CSRP1: variants seen among roughly 807,000 people sequenced by gnomAD.
CSRP1 encodes the protein cysteine and glycine rich protein 1.
A neutral mutation model predicts 25.4 loss-of-function variants in CSRP1; 16 were observed. The ratio of observed to expected loss-of-function variants is 0.63; its 90% CI spans 0.43 to 0.96. The LOEUF (loss-of-function observed/expected upper bound fraction) is 0.96. CSRP1 is among the 40% of genes least tolerant of loss of function. CSRP1 has a pLI of 0.00. For synonymous variants in CSRP1, 97 were observed against 95.3 expected (o/e 1.02, Z -0.10); for missense variants, 212 against 243.6 (o/e 0.87, Z 0.86).
chr1:201,500,750 A>G (rs1192200637), intron 1 of CSRP1, among the ~76,000 whole-genome samples: 1 of 151,884 alleles, frequency 6.6e-6, no homozygotes, highest in African/African-American at 2.4e-5. Flanking sequence ...CTCAGTCTTC[A>G]CTCCACCTCC....
chr1:201,497,402 AGGGCAGTTATCAAACTTCAGAGTGAG>A lies in CSRP1; in HGVS notation c.-1-1124_-1-1099del. The stretch of plus-strand genomic sequence containing the variant: ...AAAAAAAGGCAGGAGGTAGGCACAC[AGGGCAGTTATCAAACTTCAGAGTGAG>A]GGGCTTTTGCAAAATCAGATTTAGT... On this transcript the variant is annotated intron_variant, in intron 1 of 5. Transcript: ENST00000340006. Among the ~76,000 whole-genome samples, 3 of 150,452 alleles carry A rather than the reference AGGGCAGTTATCAAACTTCAGAGTGAG, an allele frequency of 2.0e-5. No individual in the cohort carries two copies. The Middle Eastern group carries it at 0.01, about 526-fold the overall frequency.
At chr1:201,497,191 T>A (rs1487257005) in intron 1 of CSRP1, among the ~76,000 whole-genome samples, 1 of 151,718 alleles carries the variant, frequency 6.6e-6, no homozygotes, top group Non-Finnish European at 1.5e-5. Flanking sequence ...AAACACCATC[T>A]CTACTAAAAA....
At chr1:201,496,382 A>G in intron 1 of CSRP1, 78 bp from the exon 2 acceptor site, 1 of 1,202,232 alleles carries the variant, frequency 8.3e-7, no homozygotes, top group Non-Finnish European at 1.2e-6. Context: ...CAGAAATGCA[A>G]CAGCCAGATC....
chr1:201,502,294 C>T (rs928480342), intron 1 of CSRP1, among the ~76,000 whole-genome samples: 1 of 152,242 alleles, frequency 6.6e-6, no homozygotes, highest in Admixed American at 6.5e-5. Flanking sequence ...CTAGCTCCCT[C>T]GCATTAGCTG....
At chr1:201,502,024 T>G (rs1000737434) in intron 1 of CSRP1, among the ~76,000 whole-genome samples, 19 of 151,040 alleles carry the variant, frequency 1.3e-4, no homozygotes, top group African/African-American at 4.6e-4. Flanking sequence ...AATAAATAAA[T>G]AAATAAAGTC....
intron 1 of CSRP1, among the ~76,000 whole-genome samples, chr1:201,504,612 G>T (rs1194849771): frequency 6.6e-6 from 1 of 152,174 alleles, no homozygotes; most frequent in Non-Finnish European, 1.5e-5. Flanking sequence ...TGCCAGAAAA[G>T]CCTTCCCAAT....
At chr1:201,485,260 C>G in intron 5 of CSRP1, 23 bp downstream of exon 5, 1 of 1,612,376 alleles carries the variant, frequency 6.2e-7, no homozygotes, top group Non-Finnish European at 8.5e-7. Flanking sequence ...TCCTGACCCT[C>G]AATTAGAAGT....
Position 201,490,292 on chromosome 1 carries a change from C to G in CSRP1, c.165G>C (p.Glu55Asp). Residue 55 changes from glutamate (E) to aspartate (D), a missense_variant, in exon 3 of 6, where the codon GAG (glutamate) becomes GAC (aspartate). By Grantham distance (45) the Glu-to-Asp change is conservative (BLOSUM62 2). Transcript: ENST00000340006. Reference protein sequence around the residue: ...DSTTVAVHGEEIYCKSCYGKK... With the variant: ...DSTTVAVHGEDIYCKSCYGKK... ...TGCCGTAGCAGGACTTGCAGTAAAT[C>G]TCCTCACCATGCACGGCCACAGTGG... 1 of 1,614,200 alleles carries G rather than the reference C, an allele frequency of 6.2e-7. No homozygotes were observed.
chr1:201,494,955 G>T (rs1664464100), intron 2 of CSRP1, among the ~76,000 whole-genome samples: 1 of 152,202 alleles, frequency 6.6e-6, no homozygotes, highest in Non-Finnish European at 1.5e-5. Context: ...ACAATCCCAT[G>T]AGGTAACTAT....
chr1:201,496,423 TG>T (rs531966865), intron 1 of CSRP1, 119 bp from the exon 2 acceptor site: 3 of 842,866 alleles, frequency 3.6e-6, no homozygotes, highest in Admixed American at 1.9e-5. Context: ...GTAGAATGCC[TG>T]GGGGGCCACC....
rs775725724 is a variant in CSRP1, at chr1:201,484,025, TGAG to T, written c.*685_*687del. 1 of 697,908 alleles carries T rather than the reference TGAG, an allele frequency of 1.4e-6. No individual in the cohort carries two copies. Among genetic ancestry groups the T allele is most frequent in the South Asian group, 1.5e-5 (1 of 67,370 alleles). 43.2% of individuals were successfully genotyped at this position (697,908 alleles called of 1,614,324 possible). On this transcript the variant is annotated 3_prime_UTR_variant, in exon 6 of 6. Coordinates refer to ENST00000340006, the MANE Select transcript of CSRP1 (RefSeq NM_004078.3). ...CCCATCAAGCAGGGAACTAGATGTTTGAGAAGATCAAACAACATCCTGACTTTG... is the reference window on the plus strand; with the variant it reads ...CCCATCAAGCAGGGAACTAGATGTTTAAGATCAAACAACATCCTGACTTTG...
intron 4 of CSRP1, 97 bp from the exon 5 acceptor site, chr1:201,485,473 T>A: frequency 1.6e-5 from 16 of 1,029,724 alleles, no homozygotes; most frequent in East Asian, 5.1e-5. Context: ...GTATAAGGGC[T>A]CAAGCCACTT....
intron 1 of CSRP1, among the ~76,000 whole-genome samples, chr1:201,499,285 C>T (rs1019377399): frequency 7.9e-5 from 12 of 152,190 alleles, no homozygotes; most frequent in Non-Finnish European, 1.6e-4. Flanking sequence ...TACAAAACCC[C>T]GATTTTATTC....
At chr1:201,503,752 C>T (rs777689554) in intron 1 of CSRP1, among the ~76,000 whole-genome samples, 6 of 152,208 alleles carry the variant, frequency 3.9e-5, no homozygotes, top group Non-Finnish European at 7.3e-5. Flanking sequence ...AAACAGCAGT[C>T]GGAACCCAGG....
chr1:201,502,592 G>A (rs1327534824), intron 1 of CSRP1, among the ~76,000 whole-genome samples: 6 of 152,144 alleles, frequency 3.9e-5, no homozygotes, highest in East Asian at 1.9e-4. Context: ...CTTCAGAACC[G>A]TGCACATGAC....
chr1:201,505,886 A>G (rs1664810600), intron 1 of CSRP1, among the ~76,000 whole-genome samples: 1 of 152,198 alleles, frequency 6.6e-6, no homozygotes, highest in Non-Finnish European at 1.5e-5. Context: ...GTCTGAGAGG[A>G]CAGAGGGAGA....
Position 201,490,248 on chromosome 1 carries a change from C to T in CSRP1, c.209G>A (p.Gly70Asp), listed in dbSNP as rs776083495. 2.5e-6 allele frequency: 4 copies of T among 1,614,172 alleles called. No homozygotes were observed. Among genetic ancestry groups the T allele is most frequent in the Admixed American group, 3.3e-5 (2 of 60,016 alleles). ...SCYGKKYGPK[G>D]YGYGQGAGTL... The stretch of plus-strand genomic sequence containing the variant: ...GCCTGCGCCCTGCCCGTAGCCATAG[C>T]CTTTGGGCCCATACTTCTTGCCGTA... Residue 70 changes from glycine to aspartate, a missense_variant, in exon 3 of 6, where the codon GGC becomes GAC. By Grantham distance (94) the Gly-to-Asp change is moderately conservative (BLOSUM62 -1). Transcript: ENST00000340006.
intron 2 of CSRP1, among the ~76,000 whole-genome samples, chr1:201,493,060 G>A (rs886392143): frequency 6.6e-6 from 1 of 152,200 alleles, no homozygotes; most frequent in African/African-American, 2.4e-5. Flanking sequence ...GCAGGGAGCT[G>A]GGTACAGCTC....
intron 1 of CSRP1, among the ~76,000 whole-genome samples, chr1:201,500,595 G>A (rs1664641611): frequency 6.6e-6 from 1 of 152,258 alleles, no homozygotes; most frequent in South Asian, 2.1e-4. Flanking sequence ...GATGAAAAGT[G>A]ATGACTCTAT....
Sources: gnomAD v4.1 joint callset for allele counts (sites outside exome capture counted in the v4.1 genomes callset) on GRCh38, gnomAD v4.1.1 for gene constraint, MANE v1.5 for transcripts, NCBI Gene and HGNC (gene_info 2026-07-23, HGNC 2026-07-21) for gene names.